RIMS1: variants seen among roughly 807,000 people sequenced by gnomAD.
RIMS1 encodes the protein regulating synaptic membrane exocytosis 1.
In RIMS1, 83 loss-of-function variants were observed where a neutral mutation model predicts 214.1. The ratio of observed to expected loss-of-function variants is 0.39; its 90% CI spans 0.32 to 0.47. RIMS1 has a LOEUF of 0.47. Among genes scored for constraint, RIMS1 ranks in the 20% least tolerant of loss-of-function variants. The probability of loss-of-function intolerance (pLI) is 0.99; values close to 1 mark genes in which losing one functional copy is unlikely to be tolerated. For synonymous variants in RIMS1, 793 were observed against 786.8 expected, an observed-to-expected ratio of 1.01 and a Z score of -0.13; for missense variants, 2,050 against 2,161.8, an observed-to-expected ratio of 0.95 and a Z score of 1.03.
intron 2 of RIMS1, among the ~76,000 whole-genome samples, chr6:72,001,340 G>GA: frequency 6.6e-6 from 1 of 152,088 alleles, no homozygotes; most frequent in East Asian, 1.9e-4. Context: ...TTCTATATAT[G>GA]AAAAAACGTT....
At chr6:72,381,723 A>C (rs575187545) in intron 29 of RIMS1, among the ~76,000 whole-genome samples, 2 of 152,242 alleles carry the variant, frequency 1.3e-5, no homozygotes, top group Non-Finnish European at 2.9e-5. Flanking sequence ...AGTGTAACTG[A>C]GTGATTTAAG....
Position 72,392,690 on chromosome 6 carries a change from G to T in RIMS1, c.4506-8G>T. ...TTTTTCCTTTGGTTTTTATCCTTTTGCTGATAGTTTAATATTTCCTGGAGT... is the reference window on the plus strand; with the variant it reads ...TTTTTCCTTTGGTTTTTATCCTTTTTCTGATAGTTTAATATTTCCTGGAGT... On this transcript the variant is annotated splice_polypyrimidine_tract_variant and splice_region_variant and intron_variant, in intron 30 of 33. Transcript: ENST00000521978. The T allele has an allele frequency of 6.3e-7, 1 of 1,585,148 alleles. No homozygotes were observed. Among genetic ancestry groups the T allele is most frequent in the South Asian group, 1.1e-5 (1 of 90,470 alleles).
chr6:72,315,339 T>C (rs1002981420), intron 28 of RIMS1, among the ~76,000 whole-genome samples: 1 of 152,244 alleles, frequency 6.6e-6, no homozygotes, highest in Non-Finnish European at 1.5e-5. Flanking sequence ...GTGATAAATC[T>C]ATTTTCTCTA....
At chr6:71,945,449 T>C (rs1281888516) in intron 1 of RIMS1, among the ~76,000 whole-genome samples, 1 of 152,130 alleles carries the variant, frequency 6.6e-6, no homozygotes, top group Non-Finnish European at 1.5e-5. Flanking sequence ...AATCCAGAGC[T>C]AGAGGGAAGG....
At chr6:72,011,192 G>T (rs1252660042) in intron 2 of RIMS1, among the ~76,000 whole-genome samples, 1 of 152,162 alleles carries the variant, frequency 6.6e-6, no homozygotes, top group African/African-American at 2.4e-5. Context: ...ACAACTATCT[G>T]ATCTTTGACA....
At chr6:71,950,024 CACAA>C (rs1788972049) in intron 1 of RIMS1, among the ~76,000 whole-genome samples, 1 of 152,028 alleles carries the variant, frequency 6.6e-6, no homozygotes, top group Non-Finnish European at 1.5e-5. Context: ...GAGCACTACT[CACAA>C]AGAAAAAGGA....
intron 28 of RIMS1, among the ~76,000 whole-genome samples, chr6:72,322,256 A>G (rs1280407165): frequency 6.6e-6 from 1 of 152,138 alleles, no homozygotes; most frequent in Non-Finnish European, 1.5e-5. Context: ...ACCTCATAGT[A>G]GCAGACTACA....
intron 27 of RIMS1, among the ~76,000 whole-genome samples, chr6:72,307,602 A>G (rs2095283506): frequency 6.6e-6 from 1 of 151,518 alleles, no homozygotes; most frequent in South Asian, 2.1e-4. Flanking sequence ...AAAAAATACA[A>G]AAATTAGCCG....
At chr6:72,177,442 G>C (rs2047867305) in intron 4 of RIMS1, among the ~76,000 whole-genome samples, 1 of 151,890 alleles carries the variant, frequency 6.6e-6, no homozygotes, top group Admixed American at 6.6e-5. Flanking sequence ...AGTAGAGACG[G>C]GATTTCACCA....
Position 72,111,257 on chromosome 6 carries a change from A to G in RIMS1, c.471+11271A>G, listed in dbSNP as rs139897469. 1.5e-3 allele frequency among the ~76,000 whole-genome samples: 226 copies of G among 152,202 alleles called. 1 individual carries two copies. Among genetic ancestry groups the G allele is most frequent in the African/African-American group, 4.8e-3 (198 of 41,540 alleles). On this transcript the variant is annotated intron_variant, in intron 4 of 33. Coordinates refer to ENST00000521978, the MANE Select transcript of RIMS1 (RefSeq NM_014989.7). ...ACCTCTCCTTTCTATTATCCAATGT[A>G]TGTTGAATTTTCTGTACCTACCTTC...
Position 72,203,840 on chromosome 6 carries a change from T to C in RIMS1, c.1678+20691T>C, listed in dbSNP as rs1409313762. On this transcript the variant is annotated intron_variant, in intron 6 of 33. Transcript: ENST00000521978. ...CCCAGAGATTTTGATTTTAGTGTTA[T>C]GGGTTGGGGCCTGAGTATTGTTATT... 2.6e-5 allele frequency among the ~76,000 whole-genome samples: 4 copies of C among 152,162 alleles called. No homozygotes were observed. The East Asian group carries it at 7.7e-4, about 29-fold the overall frequency.
intron 6 of RIMS1, among the ~76,000 whole-genome samples, chr6:72,186,036 G>C (rs1450136190): frequency 6.6e-6 from 1 of 152,182 alleles, no homozygotes; most frequent in Non-Finnish European, 1.5e-5. Context: ...TGTGAGAATA[G>C]AGTATATGAT....
At chr6:72,123,034 T>C (rs1177132004) in intron 4 of RIMS1, among the ~76,000 whole-genome samples, 2 of 151,908 alleles carry the variant, frequency 1.3e-5, no homozygotes, top group Non-Finnish European at 2.9e-5. Flanking sequence ...TTGGTTGCTC[T>C]TGCTTCTCTA....
chr6:72,263,335 ATCCTACTGTG>A (rs1281645705), intron 19 of RIMS1: 2 of 985,072 alleles, frequency 2.0e-6, no homozygotes, highest in African/African-American at 1.7e-5. Context: ...GCCTTACTGT[ATCCTACTGTG>A]TCCTAAATAT....
intron 4 of RIMS1, among the ~76,000 whole-genome samples, chr6:72,123,468 T>C (rs1229992613): frequency 6.6e-6 from 1 of 151,842 alleles, no homozygotes; most frequent in Non-Finnish European, 1.5e-5. Flanking sequence ...GGTGGAGAGT[T>C]CTGTAGATGT....
chr6:71,913,085 A>T (rs1180314803), intron 1 of RIMS1, among the ~76,000 whole-genome samples: 2 of 152,128 alleles, frequency 1.3e-5, no homozygotes, highest in Non-Finnish European at 2.9e-5. Context: ...CCTTTGATTG[A>T]ATTACTAAAT....
chr6:72,028,621 C>T (rs924036373), intron 2 of RIMS1, among the ~76,000 whole-genome samples: 4 of 152,144 alleles, frequency 2.6e-5, no homozygotes, highest in African/African-American at 9.7e-5. Flanking sequence ...CACCTTTCTA[C>T]CAAACTCCCT....
chr6:72,352,135 C>G (rs1434404465), intron 29 of RIMS1, among the ~76,000 whole-genome samples: 1 of 152,208 alleles, frequency 6.6e-6, no homozygotes, highest in Non-Finnish European at 1.5e-5. Flanking sequence ...TACTGTACAA[C>G]CATGCCAGCT....
chr6:72,202,640 C>A (rs953984221), intron 6 of RIMS1, among the ~76,000 whole-genome samples: 1 of 152,116 alleles, frequency 6.6e-6, no homozygotes. Context: ...AGACCAAGTC[C>A]TGTAGATGTT....
Sources: gnomAD v4.1 joint callset for allele counts (sites outside exome capture counted in the v4.1 genomes callset) on GRCh38, gnomAD v4.1.1 for gene constraint, MANE v1.5 for transcripts, NCBI Gene and HGNC (gene_info 2026-07-23, HGNC 2026-07-21) for gene names.